MTUS1: variants seen among roughly 807,000 people sequenced by gnomAD.
The protein encoded by MTUS1 is microtubule associated scaffold protein 1.
Under a neutral mutation model 120.8 loss-of-function variants are expected in MTUS1, and 109 were observed. That is an observed-to-expected ratio of 0.90 (90% CI 0.77 to 1.06). The LOEUF (loss-of-function observed/expected upper bound fraction) is 1.06, where lower values mean the gene tolerates loss of function less well. MTUS1 is among the 50% of genes least tolerant of loss of function. The pLI, the probability that MTUS1 is intolerant of heterozygous loss-of-function variation, is 0.00. For missense variants in MTUS1, 2,210 were observed against 1,486.3 expected (o/e 1.49, Z -8.01); for synonymous variants, 737 against 550.5 (o/e 1.34, Z -4.74).
intron 3 of MTUS1, among the ~76,000 whole-genome samples, chr8:17,736,569 TTTTA>T (rs1186093904): frequency 2.7e-5 from 4 of 147,876 alleles, no homozygotes. Context: ...ACTGCTTTAT[TTTTA>T]TTTTATTTTA....
chr8:17,684,625 A>G, intron 6 of MTUS1, 83 bp from the exon 7 acceptor site: 2 of 1,072,136 alleles, frequency 1.9e-6, no homozygotes, highest in South Asian at 1.3e-5. Flanking sequence ...AAACAACCAG[A>G]TAAGCCACAG....
At chr8:17,657,370 C>T (rs1237747162) in intron 8 of MTUS1, among the ~76,000 whole-genome samples, 1 of 151,366 alleles carries the variant, frequency 6.6e-6, no homozygotes, top group Non-Finnish European at 1.5e-5. Flanking sequence ...AGATCGAGAC[C>T]ATCCCGGCTA....
chr8:17,647,730 T>C (rs1298219090), intron 13 of MTUS1, among the ~76,000 whole-genome samples: 3 of 152,206 alleles, frequency 2.0e-5, no homozygotes, highest in African/African-American at 4.8e-5. Flanking sequence ...GCAAACAAAC[T>C]GATCAGCGGA....
At chr8:17,737,707 A>C (rs115932478) in intron 3 of MTUS1, among the ~76,000 whole-genome samples, 1,913 of 152,206 alleles carry the variant, frequency 0.013, 37 homozygotes, top group African/African-American at 0.043. Flanking sequence ...GGTGGGTCTC[A>C]ATCTCTTGGG....
At chr8:17,736,714 A>G (rs2098002462) in intron 3 of MTUS1, among the ~76,000 whole-genome samples, 1 of 151,964 alleles carries the variant, frequency 6.6e-6, no homozygotes, top group Non-Finnish European at 1.5e-5. Context: ...CCTCCCAAGT[A>G]GCTGAGACCA....
intron 6 of MTUS1, among the ~76,000 whole-genome samples, chr8:17,689,394 T>C (rs1041081735): frequency 1.3e-5 from 2 of 152,166 alleles, no homozygotes; most frequent in African/African-American, 4.8e-5. Context: ...TAAAAGCAGA[T>C]TAGAGAATAG....
chr8:17,725,744 C>A lies in MTUS1; in HGVS notation c.2288-1911G>T, dbSNP rs1309168199. On this transcript the variant is annotated intron_variant, in intron 3 of 14. Coordinates refer to ENST00000693296, the MANE Select transcript of MTUS1 (RefSeq NM_001363059.2). ...TTTGAACGCTAACCCAATACAAATT[C>A]ATAAATTTTCTTAGAACATTATGAG... Among the ~76,000 whole-genome samples the A allele has an allele frequency of 2.0e-5, 3 of 152,278 alleles. No individual in the cohort carries two copies. The East Asian group carries it at 5.8e-4, about 29-fold the overall frequency.
chr8:17,674,412 C>G, intron 8 of MTUS1: 1 of 951,220 alleles, frequency 1.1e-6, no homozygotes, highest in African/African-American at 1.8e-5. Flanking sequence ...GAGCAAGATT[C>G]CGTCTCAAAA....
Position 17,653,459 on chromosome 8 carries a change from T to G in MTUS1, c.3254A>C (p.Glu1085Ala). The stretch of plus-strand genomic sequence containing the variant: ...TTCCTGCTTCTCAGAAAGTAAATCT[T>G]CAAGCGATTTCTTTTCTATTTCATG... The part of the protein sequence containing the change: ...KGHEIEKKSL[E>A]DLLSEKQESL... Residue 1085 changes from glutamate to alanine, a missense_variant, in exon 11 of 15, where the codon GAA becomes GCA. Transcript: ENST00000693296. The G allele has an allele frequency of 1.2e-6, 2 of 1,612,774 alleles. No homozygotes were observed. Among genetic ancestry groups the G allele is most frequent in the Non-Finnish European group, 1.7e-6 (2 of 1,179,500 alleles).
At chr8:17,701,229 T>A (rs976538248) in intron 6 of MTUS1, among the ~76,000 whole-genome samples, 1 of 152,224 alleles carries the variant, frequency 6.6e-6, no homozygotes, top group Non-Finnish European at 1.5e-5. Context: ...TGCAACATTT[T>A]CTTCATTTTA....
chr8:17,748,478 C>T (rs6994145), intron 2 of MTUS1, among the ~76,000 whole-genome samples: 1,768 of 152,302 alleles, frequency 0.012, 30 homozygotes, highest in African/African-American at 0.036. Flanking sequence ...CCTTTGCCCT[C>T]GCTACTGGAG....
At chr8:17,649,817 G>C (rs1489091643) in intron 13 of MTUS1, 29 bp downstream of exon 13, 5 of 1,260,682 alleles carry the variant, frequency 4.0e-6, no homozygotes, top group Non-Finnish European at 4.7e-6. Flanking sequence ...CCATTTGTAA[G>C]ATCCTCTTTC....
intron 1 of MTUS1, among the ~76,000 whole-genome samples, chr8:17,776,580 G>C (rs951839042): frequency 4.0e-5 from 6 of 149,996 alleles, no homozygotes; most frequent in African/African-American, 1.5e-4. Context: ...TTGGGAGGCT[G>C]AGGCAGCAGA....
intron 1 of MTUS1, among the ~76,000 whole-genome samples, chr8:17,760,273 A>C (rs1422080845): frequency 1.3e-5 from 2 of 152,014 alleles, no homozygotes; most frequent in African/African-American, 4.8e-5. Context: ...GAGACTAAAA[A>C]ACCCACAAAC....
chr8:17,765,691 C>G (rs909390638), intron 1 of MTUS1, among the ~76,000 whole-genome samples: 1 of 149,090 alleles, frequency 6.7e-6, no homozygotes, highest in African/African-American at 2.5e-5. Context: ...CACACACACA[C>G]ACACACACAC....
At chr8:17,706,727 T>C (rs949615282) in intron 6 of MTUS1, among the ~76,000 whole-genome samples, 3 of 152,228 alleles carry the variant, frequency 2.0e-5, no homozygotes, top group Non-Finnish European at 4.4e-5. Context: ...GCTAATTGTA[T>C]AGATGTTCAT....
chr8:17,761,810 C>T (rs980795625), intron 1 of MTUS1, among the ~76,000 whole-genome samples: 1 of 152,124 alleles, frequency 6.6e-6, no homozygotes, highest in African/African-American at 2.4e-5. Context: ...TTATAGCTTC[C>T]AAATCATAAA....
chr8:17,782,865 G>T, intron 1 of MTUS1, among the ~76,000 whole-genome samples: 1 of 152,166 alleles, frequency 6.6e-6, no homozygotes, highest in East Asian at 1.9e-4. Flanking sequence ...ATCACCTGAA[G>T]TCAGGAGTTC....
At chr8:17,693,162 C>A (rs1382430784) in intron 6 of MTUS1, 1 of 152,074 alleles carries the variant, frequency 6.6e-6, no homozygotes, top group African/African-American at 2.4e-5. Flanking sequence ...TTTCCCTCCA[C>A]TAACTCATTA....
Sources: allele counts gnomAD v4.1 joint callset (sites outside exome capture counted in the v4.1 genomes callset), GRCh38; gene constraint gnomAD v4.1.1; transcripts MANE v1.5; gene names NCBI Gene and HGNC (gene_info 2026-07-23, HGNC 2026-07-21).